ANKDD1B: variants seen among roughly 807,000 people sequenced by gnomAD.
The protein encoded by ANKDD1B is ankyrin repeat and death domain-containing protein 1B.
In ANKDD1B, 57 loss-of-function variants were observed where a neutral mutation model predicts 59.7. That is an observed-to-expected ratio of 0.95 (90% CI 0.77 to 1.19). The LOEUF (loss-of-function observed/expected upper bound fraction) is 1.19. Ranked by LOEUF, ANKDD1B falls within the 50% of genes most tolerant of loss-of-function variation. The probability of loss-of-function intolerance (pLI) is 0.00; values close to 1 mark genes in which losing one functional copy is unlikely to be tolerated. For synonymous variants in ANKDD1B, 216 were observed against 239.5 expected (o/e 0.90, Z 0.91); for missense variants, 602 against 641.9 (o/e 0.94, Z 0.67).
intron 2 of ANKDD1B, among the ~76,000 whole-genome samples, chr5:75,619,570 G>A (rs576881503): frequency 6.6e-6 from 1 of 152,158 alleles, no homozygotes; most frequent in African/African-American, 2.4e-5. Context: ...TATTATTTAT[G>A]TATAACAAAG....
chr5:75,671,022 G>C lies in ANKDD1B; in HGVS notation c.1569G>C (p.Lys523Asn), dbSNP rs1320475973. ...HFKSKTDSNSKKCVVS is the reference protein window; with the variant it reads ...HFKSKTDSNSNKCVVS ...AAAGCAAAACTGACTCAAACTCCAAGAAATGTGTAGTTTCATAAATGCCTA... is the reference window on the plus strand; with the variant it reads ...AAAGCAAAACTGACTCAAACTCCAACAAATGTGTAGTTTCATAAATGCCTA... The change falls in exon 14 of 14, where the codon AAG (lysine) becomes AAC (asparagine). Residue 523 changes from lysine (K) to asparagine (N), a missense_variant. By Grantham distance (94) the Lys-to-Asn change is moderately conservative. Transcript: ENST00000601380. 8.1e-7 allele frequency: 1 copy of C among 1,228,530 alleles called. No homozygotes were observed. The highest frequency in any genetic ancestry group is 1.0e-6 in the Non-Finnish European group (1 of 984,952). The allele number at this position is 1,228,530 out of a possible 1,614,324, so 76.1% of individuals were successfully genotyped here. A position where few individuals can be genotyped will look rare whatever the true frequency, so the allele number is the denominator to read the frequency against.
At position 75,619,452 on chromosome 5, in the gene ANKDD1B, G is replaced by A. The variant is rs139915281; in HGVS notation, c.298-863G>A. 4.2e-3 allele frequency among the ~76,000 whole-genome samples: 642 copies of A among 152,024 alleles called. 4 individuals carry two copies. The highest frequency in any genetic ancestry group is 0.011 in the African/African-American group (451 of 41,456). ...GTTTTACTATGACATGCATATTCCCGTTGCAATGCTTTATTCCCAAATAAA... is the reference window on the plus strand; with the variant it reads ...GTTTTACTATGACATGCATATTCCCATTGCAATGCTTTATTCCCAAATAAA... On this transcript the variant is annotated intron_variant, in intron 2 of 13. Transcript: ENST00000601380.
intron 1 of ANKDD1B, among the ~76,000 whole-genome samples, chr5:75,614,566 G>C (rs1394691294): frequency 6.6e-6 from 1 of 152,170 alleles, no homozygotes; most frequent in East Asian, 1.9e-4. Flanking sequence ...CCACCATCTT[G>C]TAACCCCTTC....
chr5:75,632,635 A>T (rs937211114), intron 5 of ANKDD1B, among the ~76,000 whole-genome samples: 5 of 152,184 alleles, frequency 3.3e-5, no homozygotes, highest in African/African-American at 1.2e-4. Flanking sequence ...AGCAGGCAGG[A>T]ATCAGGTAAC....
rs1391190977 is a variant in ANKDD1B at position 75,663,457 on chromosome 5, A to G, written c.1159A>G (p.Ile387Val). Residue 387 changes from isoleucine to valine, a missense_variant, in exon 11 of 14, where the codon ATT becomes GTT. By Grantham distance (29) the Ile-to-Val change is conservative (BLOSUM62 3). This residue lies in a region of ANKDD1B where 280 missense variants were observed against 319.8 expected (regional missense o/e 0.88). Coordinates refer to ENST00000601380, the MANE Select transcript of ANKDD1B (RefSeq NM_001276713.2). ...SNHSLVVGML[I>V]KAERYYAWRE... is the part of the protein sequence containing the mutation. Reference sequence around the variant, plus strand: ...CCATAGCCTTGTCGTGGGCATGCTCATTAAAGCAGAGAGATACTACGCCTG... The same window carrying G: ...CCATAGCCTTGTCGTGGGCATGCTCGTTAAAGCAGAGAGATACTACGCCTG... 6.5e-7 allele frequency: 1 copy of G among 1,536,432 alleles called. No individual in the cohort carries two copies. The highest frequency in any genetic ancestry group is 8.7e-7 in the Non-Finnish European group (1 of 1,146,950).
chr5:75,648,104 G>T (rs1774690143), intron 7 of ANKDD1B, among the ~76,000 whole-genome samples: 1 of 78,624 alleles, frequency 1.3e-5, no homozygotes, highest in Non-Finnish European at 2.5e-5. Context: ...GACTGTGGTG[G>T]GGTGGGGGGA....
intron 1 of ANKDD1B, among the ~76,000 whole-genome samples, chr5:75,614,425 G>T (rs1773661645): frequency 6.6e-6 from 1 of 151,896 alleles, no homozygotes; most frequent in Non-Finnish European, 1.5e-5. Context: ...GTCTGTCAAG[G>T]CTTTTCACTA....
chr5:75,653,992 C>T (rs1774894932), intron 8 of ANKDD1B, among the ~76,000 whole-genome samples: 2 of 152,246 alleles, frequency 1.3e-5, no homozygotes, highest in African/African-American at 4.8e-5. Context: ...ATGCCCACTT[C>T]TTTGCAATGT....
chr5:75,654,132 C>A (rs556973233), intron 8 of ANKDD1B, among the ~76,000 whole-genome samples: 1 of 152,336 alleles, frequency 6.6e-6, no homozygotes, highest in East Asian at 1.9e-4. Context: ...TGCTCTGACC[C>A]TTGCTGGCCT....
intron 5 of ANKDD1B, among the ~76,000 whole-genome samples, chr5:75,627,493 A>G (rs1774024619): frequency 6.6e-6 from 1 of 152,238 alleles, no homozygotes; most frequent in East Asian, 1.9e-4. Context: ...GCACTTAGCA[A>G]CAGGCCAGGC....
chr5:75,629,728 A>C (rs2112971313), intron 5 of ANKDD1B, among the ~76,000 whole-genome samples: 1 of 152,150 alleles, frequency 6.6e-6, no homozygotes, highest in South Asian at 2.1e-4. Flanking sequence ...TGAGCTCAGG[A>C]GTTTGAGAAC....
At chr5:75,641,833 A>C (rs1774473267) in intron 7 of ANKDD1B, among the ~76,000 whole-genome samples, 1 of 152,244 alleles carries the variant, frequency 6.6e-6, no homozygotes, top group Non-Finnish European at 1.5e-5. Flanking sequence ...CACACATGGA[A>C]AATTATGTTA....
intron 10 of ANKDD1B, among the ~76,000 whole-genome samples, chr5:75,661,273 T>G (rs1265504783): frequency 6.6e-6 from 1 of 151,396 alleles, no homozygotes; most frequent in Non-Finnish European, 1.5e-5. Context: ...GATGCGCAAC[T>G]GTAATCCCAG....
chr5:75,640,325 C>T (rs951436641), intron 7 of ANKDD1B, among the ~76,000 whole-genome samples: 3 of 151,840 alleles, frequency 2.0e-5, no homozygotes, highest in South Asian at 2.1e-4. Flanking sequence ...GATTACAGGC[C>T]GAGCCACTGA....
At chr5:75,631,881 G>A (rs1774170824) in intron 5 of ANKDD1B, among the ~76,000 whole-genome samples, 1 of 152,036 alleles carries the variant, frequency 6.6e-6, no homozygotes, top group African/African-American at 2.4e-5. Flanking sequence ...CGAGGCAGGT[G>A]GATAACTTGA....
At chr5:75,626,598 A>G (rs1774001818) in intron 5 of ANKDD1B, among the ~76,000 whole-genome samples, 4 of 152,212 alleles carry the variant, frequency 2.6e-5, no homozygotes, top group Admixed American at 2.0e-4. Context: ...GAGGAGAGGA[A>G]GTTGAGATTC....
intron 3 of ANKDD1B, among the ~76,000 whole-genome samples, chr5:75,623,410 G>A (rs1408333759): frequency 6.6e-6 from 1 of 152,116 alleles, no homozygotes; most frequent in Non-Finnish European, 1.5e-5. Context: ...TAAATATAGA[G>A]CGCTGACTTG....
rs149785866 is a variant in ANKDD1B at position 75,624,779 on chromosome 5, C to A, written c.397-868C>A. The stretch of plus-strand genomic sequence containing the variant: ...ATCAATCGACCTACCTACCCACCAA[C>A]CCACCTATAGATAGATATAGATATA... On this transcript the variant is annotated intron_variant, in intron 3 of 13. Transcript: ENST00000601380. 1.7e-3 allele frequency among the ~76,000 whole-genome samples: 253 copies of A among 152,262 alleles called. 1 individual carries two copies. The highest frequency in any genetic ancestry group is 5.2e-3 in the African/African-American group (216 of 41,538).
intron 1 of ANKDD1B, among the ~76,000 whole-genome samples, chr5:75,612,386 C>T (rs1773593461): frequency 8.5e-6 from 1 of 117,716 alleles, no homozygotes; most frequent in Admixed American, 9.2e-5. Context: ...CTCTGTTGCA[C>T]AGGCTGGAAG....
Sources: gnomAD v4.1 joint callset for allele counts (sites outside exome capture counted in the v4.1 genomes callset) on GRCh38, gnomAD v4.1.1 for gene constraint, gnomAD v4.1.1 regional missense constraint, MANE v1.5 for transcripts, NCBI Gene and HGNC (gene_info 2026-07-23, HGNC 2026-07-21) for gene names.